The following CCDC124 variants were observed in gnomAD, a reference collection of about 807,000 sequenced individuals.
The protein encoded by CCDC124 is coiled-coil domain-containing protein 124.
CCDC124 carries 9 observed loss-of-function variants against 19.8 expected under a neutral mutation model. The observed-to-expected ratio is 0.45, with a 90% CI of 0.27 to 0.79. The LOEUF (loss-of-function observed/expected upper bound fraction) is 0.79, where lower values mean the gene tolerates loss of function less well. CCDC124 is among the 30% of genes least tolerant of loss of function. The probability of loss-of-function intolerance (pLI) is 0.14; values close to 1 mark genes in which losing one functional copy is unlikely to be tolerated. For synonymous variants in CCDC124, 126 were observed against 131.3 expected (o/e 0.96, Z 0.27); for missense variants, 285 against 319.0 (o/e 0.89, Z 0.81).
At chr19:17,940,593 C>T (rs574102230) in intron 2 of CCDC124, among the ~76,000 whole-genome samples, 18 of 152,024 alleles carry the variant, frequency 1.2e-4, no homozygotes, top group Admixed American at 2.6e-4. Context: ...AGTGAAACCC[C>T]ATTTCTACTA....
rs770700367 is a variant in CCDC124 at position 17,942,717 on chromosome 19, T to TGGA, written c.231_233dup (p.Glu77dup). On this transcript the variant is annotated inframe_insertion, in exon 3 of 5. Transcript: ENST00000445755. This position sits in a 1 kb window ranked among gnomAD's most constrained non-coding sequence, Gnocchi z 4.2. Reference sequence around the variant, plus strand: ...CGTAAGAAGGAGACGCAGCGCCTACTGGAGGAGGAGGACTCCAAGCTCAAG... The same window carrying TGGA: ...CGTAAGAAGGAGACGCAGCGCCTACTGGAGGAGGAGGAGGACTCCAAGCTCAAG... 1.9e-6 allele frequency: 3 copies of TGGA among 1,552,798 alleles called. No individual in the cohort carries two copies. Among genetic ancestry groups the TGGA allele is most frequent in the African/African-American group, 2.7e-5 (2 of 73,526 alleles).
In CCDC124 at chr19:17,943,921, C is replaced by T. The variant is rs1052575; in HGVS notation, c.*206C>T. 2 of 600,224 alleles carry T rather than the reference C, an allele frequency of 3.3e-6. No homozygotes were observed. Among genetic ancestry groups the T allele is most frequent in the East Asian group, 5.6e-5 (2 of 35,866 alleles). The allele number at this position is 600,224 out of a possible 1,614,324, so 37.2% of individuals were successfully genotyped here. A position where few individuals can be genotyped will look rare whatever the true frequency, so the allele number is the denominator to read the frequency against. On this transcript the variant is annotated 3_prime_UTR_variant, in exon 5 of 5. Transcript: ENST00000445755. ...CACCCCATCCCCTCCCATCCCCCGG[C>T]GCGTGTGTGTAGAGCCTCAGGGCTG...
rs1238745145 is a variant in CCDC124, at chr19:17,943,501, C to T, written c.465-7C>T. The T allele has an allele frequency of 6.2e-6, 10 of 1,609,228 alleles. No homozygotes were observed. Among genetic ancestry groups the T allele is most frequent in the African/African-American group, 1.3e-5 (1 of 74,864 alleles). On this transcript the variant is annotated splice_region_variant and splice_polypyrimidine_tract_variant and intron_variant, in intron 4 of 4. Coordinates refer to ENST00000445755, the MANE Select transcript of CCDC124 (RefSeq NM_001136203.2). ...CAAGGCCCCCTGACGCTCATGTCCA[C>T]CCCCAGCGTGGCGGAGGAGGCGGCC... is the stretch of plus-strand genomic sequence containing the variant.
chr19:17,943,166 C>T (rs2031225628), intron 3 of CCDC124, 95 bp from the exon 4 acceptor site: 3 of 1,047,636 alleles, frequency 2.9e-6, no homozygotes, highest in Non-Finnish European at 2.8e-6. Context: ...CTTCCTCCCG[C>T]CCCTAGCTTC....
intron 1 of CCDC124, among the ~76,000 whole-genome samples, chr19:17,933,560 T>C (rs2030991500): frequency 6.6e-6 from 1 of 152,116 alleles, no homozygotes; most frequent in Non-Finnish European, 1.5e-5. Flanking sequence ...GGAGTCCACC[T>C]CCTCACTAAC....
Position 17,943,321 on chromosome 19 carries a change from T to C in CCDC124, c.410T>C (p.Leu137Pro), listed in dbSNP as rs199982966. The C allele has an allele frequency of 7.0e-5, 98 of 1,399,922 alleles. 1 individual carries two copies. Among genetic ancestry groups the C allele is most frequent in the Non-Finnish European group, 2.8e-6 (3 of 1,057,568 alleles). 86.7% of individuals were successfully genotyped at this position (1,399,922 alleles called of 1,614,324 possible). Residue 137 changes from leucine (L) to proline (P), a missense_variant, in exon 4 of 5, where the codon CTG becomes CCG. By Grantham distance (98) the Leu-to-Pro change is moderately conservative (BLOSUM62 -3). Coordinates refer to ENST00000445755, the MANE Select transcript of CCDC124 (RefSeq NM_001136203.2). ...GAGGAGAACGTGAACCGCCGCGTGC[T>C]GGAGGAGGGCAGCGTGGAGGCGCGC... ...PLEENVNRRV[L>P]EEGSVEARTI...
chr19:17,941,217 ACAT>A (rs937123434), intron 2 of CCDC124, among the ~76,000 whole-genome samples: 2 of 151,582 alleles, frequency 1.3e-5, no homozygotes, highest in Non-Finnish European at 2.9e-5. Flanking sequence ...CTCACTTCAA[ACAT>A]CATGCATTGG....
chr19:17,934,371 G>A (rs2031013173), intron 1 of CCDC124, among the ~76,000 whole-genome samples: 1 of 151,806 alleles, frequency 6.6e-6, no homozygotes, highest in African/African-American at 2.4e-5. Flanking sequence ...GGGTGAAAGA[G>A]CAAAACTCCG....
Position 17,942,979 on chromosome 19 carries a change from G to GC in CCDC124, c.349+136dup. The GC allele has an allele frequency of 9.1e-7, 1 of 1,104,018 alleles. No individual in the cohort carries two copies. The highest frequency in any genetic ancestry group is 1.3e-6 in the Non-Finnish European group (1 of 794,772). The allele number at this position is 1,104,018 out of a possible 1,614,324, so 68.4% of individuals were successfully genotyped here. On this transcript the variant is annotated intron_variant, in intron 3 of 4. Coordinates refer to ENST00000445755, the MANE Select transcript of CCDC124 (RefSeq NM_001136203.2). This position sits in a 1 kb window ranked among gnomAD's most constrained non-coding sequence, Gnocchi z 4.2. ...GTGGTGCAGGGTGGGTGGGTAGGCC[G>GC]CCTCCTGGTAGGCCTGGCCGTGAGC... is the stretch of plus-strand genomic sequence containing the variant.
rs891799377 is a variant in CCDC124 at position 17,942,893 on chromosome 19, G to A, written c.349+48G>A. 6 of 1,462,160 alleles carry A rather than the reference G, an allele frequency of 4.1e-6. No homozygotes were observed. Among genetic ancestry groups the A allele is most frequent in the African/African-American group, 1.4e-5 (1 of 69,964 alleles). 90.6% of individuals were successfully genotyped at this position (1,462,160 alleles called of 1,614,324 possible). On this transcript the variant is annotated intron_variant, in intron 3 of 4. Transcript: ENST00000445755. The surrounding 1 kb of genome is among the most constrained non-coding windows in gnomAD (Gnocchi z 4.2). ...AGCTGCACTTTTGCCCACTGCAGAG[G>A]CAGTGGACCTTGAGTCCATTAGCCC...
chr19:17,943,126 C>A (rs1023037817), intron 3 of CCDC124, 135 bp from the exon 4 acceptor site: 8 of 801,132 alleles, frequency 1.0e-5, no homozygotes, highest in African/African-American at 8.4e-5. Flanking sequence ...CAGCTGAAGT[C>A]GCGATTCCAT....
Position 17,942,173 on chromosome 19 carries a change from G to A in CCDC124, c.160-483G>A, listed in dbSNP as rs75694033. On this transcript the variant is annotated intron_variant, in intron 2 of 4. Coordinates refer to ENST00000445755, the MANE Select transcript of CCDC124 (RefSeq NM_001136203.2). This position sits in a 1 kb window ranked among gnomAD's most constrained non-coding sequence, Gnocchi z 4.2. ...TCATAAGGGCAGAGCCCCTGCCCTA[G>A]CCTGAAACGGGTCCAGGCCTCCCAC... 6.0e-3 allele frequency among the ~76,000 whole-genome samples: 914 copies of A among 152,254 alleles called. 8 individuals carry two copies. The highest frequency in any genetic ancestry group is 0.021 in the African/African-American group (872 of 41,536).
chr19:17,943,131 T>C, intron 3 of CCDC124, 130 bp from the exon 4 acceptor site: 1 of 826,638 alleles, frequency 1.2e-6, no homozygotes, highest in South Asian at 1.6e-5. Flanking sequence ...GAAGTCGCGA[T>C]TCCATCCCCC....
chr19:17,943,902 A>C lies in CCDC124; in HGVS notation c.*187A>C. On this transcript the variant is annotated 3_prime_UTR_variant, in exon 5 of 5. Transcript: ENST00000445755. ...GGGTCCCTGCCCCGAGTGACACCCCATCCCCTCCCATCCCCCGGCGCGTGT... is the reference window on the plus strand; with the variant it reads ...GGGTCCCTGCCCCGAGTGACACCCCCTCCCCTCCCATCCCCCGGCGCGTGT... The C allele has an allele frequency of 1.6e-6, 1 of 606,688 alleles. No individual in the cohort carries two copies. Among genetic ancestry groups the C allele is most frequent in the Non-Finnish European group, 2.9e-6 (1 of 343,310 alleles). 37.6% of individuals were successfully genotyped at this position (606,688 alleles called of 1,614,324 possible).
chr19:17,941,047 GAAA>G (rs887696382), intron 2 of CCDC124, among the ~76,000 whole-genome samples: 9 of 151,358 alleles, frequency 5.9e-5, no homozygotes, highest in Non-Finnish European at 8.8e-5. Flanking sequence ...GTTCCGTCTC[GAAA>G]AAACAAACGA....
chr19:17,942,995 G>T lies in CCDC124; in HGVS notation c.349+150G>T. On this transcript the variant is annotated intron_variant, in intron 3 of 4. Coordinates refer to ENST00000445755, the MANE Select transcript of CCDC124 (RefSeq NM_001136203.2). The surrounding 1 kb of genome is among the most constrained non-coding windows in gnomAD (Gnocchi z 4.2). Reference sequence around the variant, plus strand: ...GGGTAGGCCGCCTCCTGGTAGGCCTGGCCGTGAGCAGACAACCTCAGGGCT... The same window carrying T: ...GGGTAGGCCGCCTCCTGGTAGGCCTTGCCGTGAGCAGACAACCTCAGGGCT... 1 of 989,432 alleles carries T rather than the reference G, an allele frequency of 1.0e-6. No individual in the cohort carries two copies. The highest frequency in any genetic ancestry group is 1.7e-5 in the South Asian group (1 of 58,480). The allele number at this position is 989,432 out of a possible 1,614,324, so 61.3% of individuals were successfully genotyped here. A position where few individuals can be genotyped will look rare whatever the true frequency, so the allele number is the denominator to read the frequency against.
rs531138219 is a variant in CCDC124 at position 17,935,909 on chromosome 19, T to C, written c.-11-501T>C. On this transcript the variant is annotated intron_variant, in intron 1 of 4. Coordinates refer to ENST00000445755, the MANE Select transcript of CCDC124 (RefSeq NM_001136203.2). ...GAATTGTCCACCTTTAAATTGATTCTTTTTCCTTTCATTGAGACGGAGTCT... is the reference window on the plus strand; with the variant it reads ...GAATTGTCCACCTTTAAATTGATTCCTTTTCCTTTCATTGAGACGGAGTCT... 7.4e-5 allele frequency among the ~76,000 whole-genome samples: 11 copies of C among 148,604 alleles called. 1 individual carries two copies. The South Asian group carries it at 2.4e-3, about 32-fold the overall frequency.
At chr19:17,937,384 G>C (rs1695094520) in intron 2 of CCDC124, among the ~76,000 whole-genome samples, 1 of 152,176 alleles carries the variant, frequency 6.6e-6, no homozygotes, top group Non-Finnish European at 1.5e-5. Flanking sequence ...AGTCTTGCTT[G>C]TCTGTGGACA....
chr19:17,937,154 T>C (rs920735146), intron 2 of CCDC124, among the ~76,000 whole-genome samples: 3 of 151,530 alleles, frequency 2.0e-5, no homozygotes, highest in African/African-American at 7.3e-5. Flanking sequence ...GGTGGCAGGC[T>C]CCTGTAATCC....
Sources: allele counts gnomAD v4.1 joint callset (sites outside exome capture counted in the v4.1 genomes callset), GRCh38; gene constraint gnomAD v4.1.1; non-coding constraint Gnocchi (gnomAD v3.1); transcripts MANE v1.5; gene names NCBI Gene and HGNC (gene_info 2026-07-23, HGNC 2026-07-21).